The following GNAI3 variants were observed in gnomAD, a reference collection of about 807,000 sequenced individuals.
GNAI3 encodes the protein G protein subunit alpha i3.
A neutral mutation model predicts 41.8 loss-of-function variants in GNAI3; 12 were observed. That is an observed-to-expected ratio of 0.29 (90% CI 0.18 to 0.47). The LOEUF (loss-of-function observed/expected upper bound fraction) is 0.47, where lower values mean the gene tolerates loss of function less well. Ranked by LOEUF, GNAI3 falls within the 20% of genes least tolerant of loss-of-function variation. The pLI is 1.00. For missense variants in GNAI3, 360 were observed against 429.6 expected, an observed-to-expected ratio of 0.84 and a Z score of 1.43; for synonymous variants, 132 against 146.5, an observed-to-expected ratio of 0.90 and a Z score of 0.71.
At chr1:109,582,094 C>T (rs1006387297) in intron 4 of GNAI3, among the ~76,000 whole-genome samples, 2 of 152,030 alleles carry the variant, frequency 1.3e-5, no homozygotes, top group Non-Finnish European at 2.9e-5. Context: ...AGTGATCCTC[C>T]TGCTTCACTC....
rs976452540 is a variant in GNAI3, at chr1:109,599,086, T to C, written c.*6764T>C. 9.2e-6 allele frequency: 3 copies of C among 326,694 alleles called. No individual in the cohort carries two copies. The highest frequency in any genetic ancestry group is 2.2e-5 in the Non-Finnish European group (3 of 138,692). 20.2% of individuals were successfully genotyped at this position (326,694 alleles called of 1,614,324 possible). On this transcript the variant is annotated 3_prime_UTR_variant, in exon 9 of 9. Coordinates refer to ENST00000369851, the MANE Select transcript of GNAI3 (RefSeq NM_006496.4). ...TGGACTATTTGGAGGTACATGTGAG[T>C]GGATTTTATTACCAGAGTAGGAACT...
rs554360619 is a variant in GNAI3 at position 109,595,096 on chromosome 1, A to G, written c.*2774A>G. On this transcript the variant is annotated 3_prime_UTR_variant, in exon 9 of 9. Coordinates refer to ENST00000369851, the MANE Select transcript of GNAI3 (RefSeq NM_006496.4). ...AAAAAAACTTTGGCATTTGTAATCA[A>G]AGAAGCTGAAAGTTGCCTTGTGTGT... 1 of 152,354 alleles carries G rather than the reference A, an allele frequency of 6.6e-6. No individual in the cohort carries two copies. Among genetic ancestry groups the G allele is most frequent in the African/African-American group, 2.4e-5 (1 of 41,586 alleles). 9.4% of individuals were successfully genotyped at this position (152,354 alleles called of 1,614,324 possible).
rs570899850 is a variant in GNAI3 at position 109,572,232 on chromosome 1, C to T, written c.119-1505C>T. Among the ~76,000 whole-genome samples the T allele has an allele frequency of 1.1e-4, 16 of 152,154 alleles. No homozygotes were observed. In the South Asian group the frequency reaches 3.1e-3, roughly 30 times the overall value. ...GGCTGAGGCAGGAGAATTGCTTGAA[C>T]CTGGGAGGCGGAGGTTGCGGTGAGC... On this transcript the variant is annotated intron_variant, in intron 1 of 8. Coordinates refer to ENST00000369851, the MANE Select transcript of GNAI3 (RefSeq NM_006496.4).
intron 4 of GNAI3, among the ~76,000 whole-genome samples, chr1:109,581,917 A>AAAAC (rs1648898714): frequency 6.6e-6 from 1 of 151,458 alleles, no homozygotes; most frequent in Non-Finnish European, 1.5e-5. Context: ...AAAACAAAAC[A>AAAAC]AAAAAACCTA....
intron 4 of GNAI3, 74 bp downstream of exon 4, chr1:109,579,435 A>G (rs2101105093): frequency 9.6e-7 from 1 of 1,036,936 alleles, no homozygotes; most frequent in South Asian, 1.5e-5. Flanking sequence ...GTCCCCACTT[A>G]AGGAAATGTT....
chr1:109,548,753 G>C lies in GNAI3; in HGVS notation c.33G>C (p.Ala11=), dbSNP rs1473778397. ...GCACGTTGAGCGCCGAAGACAAGGC[G>C]GCAGTGGAGCGAAGCAAGATGATCG... MGCTLSAEDK[A]AVERSKMIDR... Residue 11 remains alanine, a synonymous_variant, in exon 1 of 9, where the codon GCG becomes GCC. Coordinates refer to ENST00000369851, the MANE Select transcript of GNAI3 (RefSeq NM_006496.4). The C allele has an allele frequency of 1.9e-6, 3 of 1,613,710 alleles. No individual in the cohort carries two copies.
chr1:109,579,973 T>C (rs1042760894), intron 4 of GNAI3, among the ~76,000 whole-genome samples: 3 of 152,222 alleles, frequency 2.0e-5, no homozygotes, highest in Admixed American at 2.0e-4. Context: ...CTCTTTTACA[T>C]ATACTTATTT....
rs1649372258 is a variant in GNAI3, at chr1:109,598,596, G to T, written c.*6274G>T. On this transcript the variant is annotated 3_prime_UTR_variant, in exon 9 of 9. Coordinates refer to ENST00000369851, the MANE Select transcript of GNAI3 (RefSeq NM_006496.4). ...GGGTGGTCTTTTACAGCATTACTTTGCCCATATTCATTTTGAAGACCTGAA... is the reference window on the plus strand; with the variant it reads ...GGGTGGTCTTTTACAGCATTACTTTTCCCATATTCATTTTGAAGACCTGAA... 8.9e-6 allele frequency: 2 copies of T among 225,046 alleles called. No individual in the cohort carries two copies. The highest frequency in any genetic ancestry group is 9.8e-5 in the Admixed American group (2 of 20,356). 13.9% of individuals were successfully genotyped at this position (225,046 alleles called of 1,614,324 possible). A position where few individuals can be genotyped will look rare whatever the true frequency, so the allele number is the denominator to read the frequency against.
chr1:109,598,039 CAG>C lies in GNAI3; in HGVS notation c.*5718_*5719del, dbSNP rs1649357159. On this transcript the variant is annotated 3_prime_UTR_variant, in exon 9 of 9. Transcript: ENST00000369851. ...ATACACTGCTGGGATAGAAGTATCT[CAG>C]TGTACCAGCATTCACTAAGCTATAA... The C allele has an allele frequency of 6.6e-6, 1 of 152,210 alleles. No homozygotes were observed. The highest frequency in any genetic ancestry group is 1.5e-5 in the Non-Finnish European group (1 of 68,050). The allele number at this position is 152,210 out of a possible 1,614,324, so 9.4% of individuals were successfully genotyped here. A position where few individuals can be genotyped will look rare whatever the true frequency, so the allele number is the denominator to read the frequency against.
At chr1:109,569,324 T>C (rs544929967) in intron 1 of GNAI3, among the ~76,000 whole-genome samples, 1 of 152,358 alleles carries the variant, frequency 6.6e-6, no homozygotes, top group African/African-American at 2.4e-5. Flanking sequence ...GTCTTTGCAG[T>C]ATCCTTTGCA....
intron 1 of GNAI3, among the ~76,000 whole-genome samples, chr1:109,553,344 TA>T (rs11428216): frequency 2.6e-5 from 4 of 151,210 alleles, no homozygotes; most frequent in Non-Finnish European, 2.9e-5. Flanking sequence ...TGAGAAAACA[TA>T]AAAAAAAACT....
At chr1:109,565,383 G>A (rs1207374469) in intron 1 of GNAI3, among the ~76,000 whole-genome samples, 1 of 152,186 alleles carries the variant, frequency 6.6e-6, no homozygotes, top group African/African-American at 2.4e-5. Context: ...GATAGGACAA[G>A]GGTTTGAGAG....
chr1:109,592,228 T>C lies in GNAI3; in HGVS notation c.1060T>C (p.Tyr354His). ...AAACAACTTAAAGGAATGTGGACTT[T>C]ATTGAGAAGCATGGATGTTAGTGAA... ...IKNNLKECGL[Y>H] Residue 354 changes from tyrosine (Y) to histidine (H), a missense_variant, in exon 8 of 9, where the codon TAT becomes CAT. Tyr to His is a moderately conservative substitution (Grantham distance 83). Coordinates refer to ENST00000369851, the MANE Select transcript of GNAI3 (RefSeq NM_006496.4). The C allele has an allele frequency of 1.2e-6, 2 of 1,601,170 alleles. No individual in the cohort carries two copies. Among genetic ancestry groups the C allele is most frequent in the Non-Finnish European group, 1.7e-6 (2 of 1,168,364 alleles).
At position 109,555,963 on chromosome 1, in the gene GNAI3, C is replaced by CGTGCGTGTGT. The variant is rs1163257606; in HGVS notation, c.118+7128_118+7129insCGTGTGTGTG. On this transcript the variant is annotated intron_variant, in intron 1 of 8. Transcript: ENST00000369851. ...TCCTGGGGAAAGGAGTGCGTGCGTG[C>CGTGCGTGTGT]GTGTGTGTGTGTGTGTGTGTGTGTG... Among the ~76,000 whole-genome samples the CGTGCGTGTGT allele has an allele frequency of 1.0e-3, 151 of 144,626 alleles. 1 individual carries two copies. The highest frequency in any genetic ancestry group is 3.5e-3 in the Middle Eastern group (1 of 284). The allele number at this position is 144,626 out of a possible 152,430, so 94.9% of individuals were successfully genotyped here.
At position 109,597,478 on chromosome 1, in the gene GNAI3, A is replaced by C. The variant is rs1649336756; in HGVS notation, c.*5156A>C. 1 of 151,824 alleles carries C rather than the reference A, an allele frequency of 6.6e-6. No individual in the cohort carries two copies. The highest frequency in any genetic ancestry group is 2.4e-5 in the African/African-American group (1 of 41,310). 9.4% of individuals were successfully genotyped at this position (151,824 alleles called of 1,614,324 possible). A position where few individuals can be genotyped will look rare whatever the true frequency, so the allele number is the denominator to read the frequency against. On this transcript the variant is annotated 3_prime_UTR_variant, in exon 9 of 9. Coordinates refer to ENST00000369851, the MANE Select transcript of GNAI3 (RefSeq NM_006496.4). ...CTGTTTTTTTTTTGTTTTTTTTTAAAGTCAACACAAATATTGAAAATAAGC... is the reference window on the plus strand; with the variant it reads ...CTGTTTTTTTTTTGTTTTTTTTTAACGTCAACACAAATATTGAAAATAAGC...
chr1:109,571,716 G>A (rs1283102706), intron 1 of GNAI3, among the ~76,000 whole-genome samples: 2 of 152,112 alleles, frequency 1.3e-5, no homozygotes, highest in Admixed American at 6.5e-5. Flanking sequence ...CCAGGAGTTC[G>A]AGAGCAGCCT....
chr1:109,573,511 G>A (rs1161413818), intron 1 of GNAI3, among the ~76,000 whole-genome samples: 2 of 152,136 alleles, frequency 1.3e-5, no homozygotes, highest in Non-Finnish European at 2.9e-5. Flanking sequence ...TACCAAGCAA[G>A]CCCTAGGACA....
rs61758986 is a variant in GNAI3, at chr1:109,586,798, A to G, written c.790A>G (p.Ile264Val). The G allele has an allele frequency of 2.4e-4, 377 of 1,595,832 alleles. 1 individual carries two copies. Among genetic ancestry groups the G allele is most frequent in the Non-Finnish European group, 3.1e-4 (359 of 1,163,796 alleles). ...TAACAAATGGTTTACAGAAACTTCA[A>G]TCATTCTCTTCCTTAACAAGAAAGA... ...CNNKWFTETS[I>V]ILFLNKKDLF... Residue 264 changes from isoleucine to valine, a missense_variant, in exon 7 of 9, where the codon ATC (isoleucine) becomes GTC (valine). Coordinates refer to ENST00000369851, the MANE Select transcript of GNAI3 (RefSeq NM_006496.4).
rs1480889155 is a variant in GNAI3, at chr1:109,595,052, A to G, written c.*2730A>G. ...GCAGGGCTAAAATGTGGGATGAAACATTAAATCTACTAGCCTGAAAAAAAA... is the reference window on the plus strand; with the variant it reads ...GCAGGGCTAAAATGTGGGATGAAACGTTAAATCTACTAGCCTGAAAAAAAA... On this transcript the variant is annotated 3_prime_UTR_variant, in exon 9 of 9. Coordinates refer to ENST00000369851, the MANE Select transcript of GNAI3 (RefSeq NM_006496.4). The G allele has an allele frequency of 2.0e-5, 3 of 152,236 alleles. No individual in the cohort carries two copies. Among genetic ancestry groups the G allele is most frequent in the Admixed American group, 1.3e-4 (2 of 15,288 alleles). 9.4% of individuals were successfully genotyped at this position (152,236 alleles called of 1,614,324 possible). A position where few individuals can be genotyped will look rare whatever the true frequency, so the allele number is the denominator to read the frequency against.
Sources: gnomAD v4.1 joint callset for allele counts (sites outside exome capture counted in the v4.1 genomes callset) on GRCh38, gnomAD v4.1.1 for gene constraint, MANE v1.5 for transcripts, NCBI Gene and HGNC (gene_info 2026-07-23, HGNC 2026-07-21) for gene names.